RANBP17: variants seen among roughly 807,000 people sequenced by gnomAD.
RANBP17 encodes the protein RAN binding protein 17.
In RANBP17, 158 loss-of-function variants were observed where a neutral mutation model predicts 141.2. The ratio of observed to expected loss-of-function variants is 1.12; its 90% CI spans 0.98 to 1.28. The LOEUF (loss-of-function observed/expected upper bound fraction) is 1.28. Ranked by LOEUF, RANBP17 falls within the 50% of genes most tolerant of loss-of-function variation. RANBP17 has a pLI of 0.00. For missense variants in RANBP17, 1,438 were observed against 1,290.7 expected, an observed-to-expected ratio of 1.11 and a Z score of -1.75; for synonymous variants, 430 against 450.0, an observed-to-expected ratio of 0.96 and a Z score of 0.56.
Position 170,909,690 on chromosome 5 carries a change from C to G in RANBP17, c.519C>G (p.His173Gln). The G allele has an allele frequency of 2.5e-6, 4 of 1,581,620 alleles. No homozygotes were observed. Among genetic ancestry groups the G allele is most frequent in the Non-Finnish European group, 2.6e-6 (3 of 1,158,824 alleles). ...ATTATTCTAGACCTTCAGCAAAACA[C>G]AGGAAAATAGCTACCTCATTTCGTG... The part of the protein sequence containing the change: ...LVDYSRPSAK[H>Q]RKIATSFRDT... Residue 173 changes from histidine to glutamine, a missense_variant, in exon 6 of 28, where the codon CAC (histidine) becomes CAG (glutamine). By Grantham distance (24) the His-to-Gln change is conservative. Coordinates refer to ENST00000523189, the MANE Select transcript of RANBP17 (RefSeq NM_022897.5).
chr5:171,092,855 C>T (rs1786404178), intron 14 of RANBP17, among the ~76,000 whole-genome samples: 2 of 152,180 alleles, frequency 1.3e-5, no homozygotes, highest in African/African-American at 4.8e-5. Context: ...CACCTTTGAT[C>T]TCTAGTCCTT....
At chr5:171,278,406 C>A (rs910784992) in intron 25 of RANBP17, among the ~76,000 whole-genome samples, 4 of 152,050 alleles carry the variant, frequency 2.6e-5, no homozygotes, top group Admixed American at 6.6e-5. Flanking sequence ...GTAATCCCAG[C>A]TACTTGGGAG....
chr5:171,230,269 G>T (rs1764131093), intron 22 of RANBP17, among the ~76,000 whole-genome samples: 1 of 152,126 alleles, frequency 6.6e-6, no homozygotes, highest in African/African-American at 2.4e-5. Context: ...GAAGGGAAAA[G>T]AATAAGGCTC....
rs116667902 is a variant in RANBP17, at chr5:170,950,926, A to C, written c.1469-2671A>C. Among the ~76,000 whole-genome samples the C allele has an allele frequency of 3.7e-3, 564 of 152,230 alleles. 3 individuals are homozygous for C. The highest frequency in any genetic ancestry group is 0.013 in the South Asian group (62 of 4,820). On this transcript the variant is annotated intron_variant, in intron 12 of 27. Coordinates refer to ENST00000523189, the MANE Select transcript of RANBP17 (RefSeq NM_022897.5). Reference sequence around the variant, plus strand: ...AGAATGAAATCGTGTCATTTGCAGCAACATAGGTGGAACTGGAGGTTAAGT... The same window carrying C: ...AGAATGAAATCGTGTCATTTGCAGCCACATAGGTGGAACTGGAGGTTAAGT...
intron 14 of RANBP17, among the ~76,000 whole-genome samples, chr5:171,043,238 G>A (rs565644323): frequency 5.9e-5 from 9 of 152,014 alleles, no homozygotes; most frequent in South Asian, 2.1e-4. Context: ...ATTTTATTCC[G>A]AAGATTCCAG....
At chr5:171,000,792 G>A (rs1307084427) in intron 14 of RANBP17, among the ~76,000 whole-genome samples, 1 of 152,082 alleles carries the variant, frequency 6.6e-6, no homozygotes, top group Non-Finnish European at 1.5e-5. Context: ...ATTCTCAAGG[G>A]TGGGGAGAAT....
intron 14 of RANBP17, among the ~76,000 whole-genome samples, chr5:171,042,799 G>T (rs1174729611): frequency 6.6e-6 from 1 of 152,040 alleles, no homozygotes; most frequent in Non-Finnish European, 1.5e-5. Flanking sequence ...TCATCTTTTT[G>T]TCAGGACAAT....
chr5:170,908,062 T>C (rs576064255), intron 5 of RANBP17, among the ~76,000 whole-genome samples: 1 of 152,152 alleles, frequency 6.6e-6, no homozygotes, highest in South Asian at 2.1e-4. Flanking sequence ...GGAACTCTTA[T>C]ATACGTTGGT....
chr5:171,171,801 C>T (rs999335545), intron 16 of RANBP17, among the ~76,000 whole-genome samples: 2 of 151,750 alleles, frequency 1.3e-5, no homozygotes, highest in African/African-American at 4.8e-5. Flanking sequence ...GTTTTTTGAC[C>T]ATTTCTTTGA....
At chr5:171,146,548 CA>C (rs199996602) in intron 14 of RANBP17, among the ~76,000 whole-genome samples, 5 of 147,224 alleles carry the variant, frequency 3.4e-5, no homozygotes, top group East Asian at 2.0e-4. Flanking sequence ...CCTCTAAGAC[CA>C]AAAAAAAACG....
chr5:171,277,669 T>TATATATATATATATATA (rs1767604663), intron 25 of RANBP17, among the ~76,000 whole-genome samples: 4 of 31,076 alleles, frequency 1.3e-4, no homozygotes, highest in Non-Finnish European at 3.0e-4. Flanking sequence ...ATATATATAT[T>TATATATATATATATATA]TATGTCTTAC....
chr5:171,061,376 G>A (rs1783836750), intron 14 of RANBP17, among the ~76,000 whole-genome samples: 1 of 148,584 alleles, frequency 6.7e-6, no homozygotes, highest in African/African-American at 2.5e-5. Flanking sequence ...TGTTCTCATT[G>A]GTTTCAAAGA....
At chr5:171,263,454 T>C (rs1766467009) in intron 24 of RANBP17, among the ~76,000 whole-genome samples, 1 of 152,206 alleles carries the variant, frequency 6.6e-6, no homozygotes, top group African/African-American at 2.4e-5. Context: ...CAAATTATAC[T>C]TACTATACCA....
intron 21 of RANBP17, among the ~76,000 whole-genome samples, chr5:171,214,662 C>A (rs142235534): frequency 1.3e-5 from 2 of 152,096 alleles, no homozygotes; most frequent in Admixed American, 6.6e-5. Context: ...ATGTGTGTAT[C>A]ATTTTTTTTA....
In RANBP17 at chr5:171,213,695, A is replaced by G. The variant is rs148262159; in HGVS notation, c.2296A>G (p.Thr766Ala). The G allele has an allele frequency of 2.5e-5, 40 of 1,613,660 alleles. No homozygotes were observed. Among genetic ancestry groups the G allele is most frequent in the Non-Finnish European group, 3.2e-5 (38 of 1,179,748 alleles). The change falls in exon 21 of 28, where the codon ACA (threonine) becomes GCA (alanine). Residue 766 changes from threonine to alanine, a missense_variant. Coordinates refer to ENST00000523189, the MANE Select transcript of RANBP17 (RefSeq NM_022897.5). ...ACGGTGGTATGGAGAGCCAACATGT[A>G]CAACTCCCATCTTGAAACTTATGGC... Reference protein sequence around the residue: ...VERWYGEPTCTTPILKLMAEL... With the variant: ...VERWYGEPTCATPILKLMAEL...
chr5:171,227,669 A>G (rs1763959680), intron 22 of RANBP17, among the ~76,000 whole-genome samples: 1 of 152,250 alleles, frequency 6.6e-6, no homozygotes, highest in Non-Finnish European at 1.5e-5. Flanking sequence ...GATGCCATCT[A>G]GGACTTTCAC....
In RANBP17 at chr5:171,058,797, A is replaced by G. The variant is rs911420756; in HGVS notation, c.1710+90420A>G. Among the ~76,000 whole-genome samples the G allele has an allele frequency of 3.2e-3, 473 of 149,720 alleles. 2 individuals are homozygous for G. The highest frequency in any genetic ancestry group is 0.011 in the African/African-American group (438 of 40,556). Reference sequence around the variant, plus strand: ...CCACCAACAGTGTAAAAGTGTTCCTATTTCTCCACATCCTCTCCAGCACCT... The same window carrying G: ...CCACCAACAGTGTAAAAGTGTTCCTGTTTCTCCACATCCTCTCCAGCACCT... On this transcript the variant is annotated intron_variant, in intron 14 of 27. Transcript: ENST00000523189.
At chr5:170,937,855 A>G (rs1452410077) in intron 12 of RANBP17, among the ~76,000 whole-genome samples, 2 of 152,234 alleles carry the variant, frequency 1.3e-5, no homozygotes, top group Admixed American at 6.5e-5. Context: ...TAAAAAATAT[A>G]TAGCACAGAC....
Position 170,968,320 on chromosome 5 carries a change from G to T in RANBP17, c.1653G>T (p.Trp551Cys), listed in dbSNP as rs1252034860. Residue 551 changes from tryptophan (W) to cysteine (C), a missense_variant, in exon 14 of 28, where the codon TGG (tryptophan) becomes TGT (cysteine). Transcript: ENST00000523189. Reference protein sequence around the residue: ...CNEKIELAILWFLDQFRKTYV... With the variant: ...CNEKIELAILCFLDQFRKTYV... ...AGAAAATAGAGCTTGCAATTCTGTG[G>T]TTCTTGGATCAGTTTCGTAAAACAT... 6.2e-7 allele frequency: 1 copy of T among 1,609,834 alleles called. No homozygotes were observed. Among genetic ancestry groups the T allele is most frequent in the Non-Finnish European group, 8.5e-7 (1 of 1,178,016 alleles).
Sources: allele counts gnomAD v4.1 joint callset (sites outside exome capture counted in the v4.1 genomes callset), GRCh38; gene constraint gnomAD v4.1.1; transcripts MANE v1.5; gene names NCBI Gene and HGNC (gene_info 2026-07-23, HGNC 2026-07-21).